PAX2: variants seen among roughly 807,000 people sequenced by gnomAD.
PAX2 encodes paired box 2, also known as paired box protein Pax-2.
A neutral mutation model predicts 41.7 loss-of-function variants in PAX2; 9 were observed. The observed-to-expected ratio is 0.22, with a 90% confidence interval of 0.13 to 0.38. The LOEUF (loss-of-function observed/expected upper bound fraction) is 0.38, where lower values mean the gene tolerates loss of function less well. Among genes scored for constraint, PAX2 ranks in the 10% least tolerant of loss-of-function variants. PAX2 has a pLI of 1.00. For missense variants in PAX2, 418 were observed against 531.6 expected (o/e 0.79, Z 2.10); for synonymous variants, 221 against 212.7 (o/e 1.04, Z -0.34).
At chr10:100,815,030 C>T (rs1848140642) in intron 7 of PAX2, among the ~76,000 whole-genome samples, 2 of 152,208 alleles carry the variant, frequency 1.3e-5, no homozygotes, top group South Asian at 4.1e-4. Context: ...GCTCGGCCTC[C>T]TGGCCCACAT....
In PAX2 at chr10:100,745,621, G is replaced by A. The variant is rs1845125911; in HGVS notation, c.-640G>A. On this transcript the variant is annotated 5_prime_UTR_variant, in exon 1 of 10. Coordinates refer to ENST00000355243, the MANE Select transcript of PAX2 (RefSeq NM_000278.5). ...TCTTCTCGCAGCCGCAACCCACCTGGGGCCAGCCCAGAGCTGCCAGCGCCG... is the reference window on the plus strand; with the variant it reads ...TCTTCTCGCAGCCGCAACCCACCTGAGGCCAGCCCAGAGCTGCCAGCGCCG... 2.8e-6 allele frequency: 1 copy of A among 356,804 alleles called. No individual in the cohort carries two copies. The highest frequency in any genetic ancestry group is 6.2e-5 in the Admixed American group (1 of 16,058). 22.1% of individuals were successfully genotyped at this position (356,804 alleles called of 1,614,324 possible).
At chr10:100,771,161 A>G (rs1422832077) in intron 3 of PAX2, among the ~76,000 whole-genome samples, 1 of 152,214 alleles carries the variant, frequency 6.6e-6, no homozygotes, top group African/African-American at 2.4e-5. Flanking sequence ...CTTGGAGCTC[A>G]GCTATGACTT....
At chr10:100,823,743 G>A (rs1848447449) in intron 7 of PAX2, among the ~76,000 whole-genome samples, 1 of 152,142 alleles carries the variant, frequency 6.6e-6, no homozygotes, top group Admixed American at 6.5e-5. Context: ...ATGCTAAATT[G>A]CAAAGGGAGG....
chr10:100,792,126 G>T (rs1399534195), intron 5 of PAX2, among the ~76,000 whole-genome samples: 1 of 152,230 alleles, frequency 6.6e-6, no homozygotes, highest in African/African-American at 2.4e-5. Flanking sequence ...GAGAAATAGA[G>T]ACCGTATTTT....
rs145977578 is a variant in PAX2, at chr10:100,792,334, G to C, written c.616+10969G>C. Among the ~76,000 whole-genome samples, 22 of 152,364 alleles carry C rather than the reference G, an allele frequency of 1.4e-4. No homozygotes were observed. In the East Asian group the frequency reaches 3.7e-3, roughly 25 times the overall value. ...AGGACCCTTGACTTTAGATGAAAGGGGAGTGTGGGGGAGAAAATGCCTGGA... is the reference window on the plus strand; with the variant it reads ...AGGACCCTTGACTTTAGATGAAAGGCGAGTGTGGGGGAGAAAATGCCTGGA... On this transcript the variant is annotated intron_variant, in intron 5 of 9. Transcript: ENST00000355243.
intron 3 of PAX2, among the ~76,000 whole-genome samples, chr10:100,757,951 G>T (rs1845693016): frequency 6.6e-6 from 1 of 152,154 alleles, no homozygotes; most frequent in African/African-American, 2.4e-5. Context: ...AAGTGTGCAG[G>T]AAAGAGGTAG....
intron 7 of PAX2, among the ~76,000 whole-genome samples, chr10:100,818,985 C>T (rs1043652738): frequency 2.0e-5 from 3 of 152,096 alleles, no homozygotes; most frequent in African/African-American, 7.2e-5. Context: ...TCGTGGCTCA[C>T]CCTGTTATCC....
chr10:100,748,820 T>G lies in PAX2; in HGVS notation c.44-926T>G, dbSNP rs4244341. On this transcript the variant is annotated intron_variant, in intron 1 of 9. Coordinates refer to ENST00000355243, the MANE Select transcript of PAX2 (RefSeq NM_000278.5). This position sits in a 1 kb window ranked among gnomAD's most constrained non-coding sequence, Gnocchi z 5.0. ...CCGAGGTCTGAGGGGTCAAAGGGAC[T>G]CGAGTCGGGTTTGGGTCGGCTACAC... The G allele has an allele frequency of 0.77, 761,128 of 985,240 alleles. 295,377 individuals are homozygous for G. Among genetic ancestry groups the G allele is most frequent in the East Asian group, 0.9 (7,867 of 8,784 alleles). 61.0% of individuals were successfully genotyped at this position (985,240 alleles called of 1,614,324 possible). A position where few individuals can be genotyped will look rare whatever the true frequency, so the allele number is the denominator to read the frequency against.
chr10:100,795,500 A>G (rs1178395847), intron 5 of PAX2, among the ~76,000 whole-genome samples: 1 of 152,244 alleles, frequency 6.6e-6, no homozygotes, highest in African/African-American at 2.4e-5. Flanking sequence ...GTTGATATGG[A>G]GTAAATATGC....
chr10:100,754,787 A>G (rs1302184388), intron 3 of PAX2, among the ~76,000 whole-genome samples: 2 of 152,222 alleles, frequency 1.3e-5, no homozygotes, highest in Admixed American at 6.5e-5. Flanking sequence ...AGGTTCCAGA[A>G]CATTGCCTAT....
chr10:100,748,179 C>G lies in PAX2; in HGVS notation c.44-1567C>G, dbSNP rs1845273382. The G allele has an allele frequency of 1.0e-6, 1 of 985,086 alleles. No homozygotes were observed. Among genetic ancestry groups the G allele is most frequent in the African/African-American group, 1.7e-5 (1 of 57,194 alleles). 61.0% of individuals were successfully genotyped at this position (985,086 alleles called of 1,614,324 possible). On this transcript the variant is annotated intron_variant, in intron 1 of 9. Coordinates refer to ENST00000355243, the MANE Select transcript of PAX2 (RefSeq NM_000278.5). This position sits in a 1 kb window ranked among gnomAD's most constrained non-coding sequence, Gnocchi z 5.0. ...GGGGCTGAGGGGCCGGGCCCTGAGCCCGGGGAGGCTGAATTATTCATCTTT... is the reference window on the plus strand; with the variant it reads ...GGGGCTGAGGGGCCGGGCCCTGAGCGCGGGGAGGCTGAATTATTCATCTTT...
upstream of PAX2, among the ~76,000 whole-genome samples, chr10:100,744,866 G>A (rs1438606716): frequency 6.6e-6 from 1 of 152,214 alleles, no homozygotes; most frequent in Admixed American, 6.5e-5. Context: ...GGGGACTGGG[G>A]AGGCCCTGCG....
At chr10:100,822,297 T>TA (rs944543574) in intron 7 of PAX2, among the ~76,000 whole-genome samples, 1 of 152,164 alleles carries the variant, frequency 6.6e-6, no homozygotes, top group Non-Finnish European at 1.5e-5. Flanking sequence ...TATCAGCCTA[T>TA]AAAAAATCAT....
At chr10:100,796,640 G>A (rs1250454264) in intron 5 of PAX2, among the ~76,000 whole-genome samples, 1 of 152,080 alleles carries the variant, frequency 6.6e-6, no homozygotes, top group East Asian at 1.9e-4. Flanking sequence ...AGAATCTCTT[G>A]CCATGGAATC....
intron 3 of PAX2, among the ~76,000 whole-genome samples, chr10:100,765,063 T>G (rs180794847): frequency 7.2e-5 from 11 of 152,324 alleles, no homozygotes; most frequent in Non-Finnish European, 1.2e-4. Context: ...TGTCTGGATA[T>G]TCTAAGGAAG....
intron 5 of PAX2, among the ~76,000 whole-genome samples, chr10:100,782,126 C>A (rs1846657937): frequency 6.6e-6 from 1 of 152,304 alleles, no homozygotes; most frequent in African/African-American, 2.4e-5. Flanking sequence ...ACAGGGCTGG[C>A]AGACCCTGAA....
Position 100,746,116 on chromosome 10 carries a change from C to A in PAX2, c.-145C>A, listed in dbSNP as rs1845159021. 3 of 1,544,886 alleles carry A rather than the reference C, an allele frequency of 1.9e-6. No individual in the cohort carries two copies. Among genetic ancestry groups the A allele is most frequent in the Non-Finnish European group, 1.7e-6 (2 of 1,149,780 alleles). On this transcript the variant is annotated 5_prime_UTR_variant, in exon 1 of 10. Transcript: ENST00000355243. ...AGCGGGGAGCGCAGTGCTGCGCCCC[C>A]CGCCCCCGCGCGCCCCGCAGCAGCC...
chr10:100,829,338 C>G lies in PAX2; in HGVS notation c.*1719C>G, dbSNP rs930930412. 2.7e-5 allele frequency: 6 copies of G among 221,842 alleles called. No homozygotes were observed. The highest frequency in any genetic ancestry group is 5.4e-5 in the Non-Finnish European group (6 of 110,678). 13.7% of individuals were successfully genotyped at this position (221,842 alleles called of 1,614,324 possible). On this transcript the variant is annotated 3_prime_UTR_variant, in exon 10 of 10. Transcript: ENST00000355243. ...TCTTTCCTCGGCCTCTCTCCCCAGACCTGGCCCGGCCGCCCTGTCTCCGCA... is the reference window on the plus strand; with the variant it reads ...TCTTTCCTCGGCCTCTCTCCCCAGAGCTGGCCCGGCCGCCCTGTCTCCGCA...
rs1170629407 is a variant in PAX2 at position 100,758,710 on chromosome 10, ACT to A, written c.410+7824_410+7825del. Among the ~76,000 whole-genome samples the A allele has an allele frequency of 7.3e-5, 11 of 151,152 alleles. 2 individuals carry two copies. Among genetic ancestry groups the A allele is most frequent in the Admixed American group, 6.6e-4 (10 of 15,168 alleles). On this transcript the variant is annotated intron_variant, in intron 3 of 9. Coordinates refer to ENST00000355243, the MANE Select transcript of PAX2 (RefSeq NM_000278.5). ...ATGCAGGAAGACCGGATTTTAAAAA[ACT>A]CTCTGCTGACCGAATAAAACTCAAC...
Sources: gnomAD v4.1 joint callset for allele counts (sites outside exome capture counted in the v4.1 genomes callset) on GRCh38, gnomAD v4.1.1 for gene constraint, Gnocchi (gnomAD v3.1) non-coding constraint, MANE v1.5 for transcripts, NCBI Gene and HGNC (gene_info 2026-07-23, HGNC 2026-07-21) for gene names.